ZFYVE26: variants seen among roughly 807,000 people sequenced by gnomAD.
ZFYVE26 encodes zinc finger FYVE-type containing 26.
A neutral mutation model predicts 276.5 loss-of-function variants in ZFYVE26; 181 were observed. The observed-to-expected ratio is 0.65, with a 90% CI of 0.58 to 0.74. The LOEUF (loss-of-function observed/expected upper bound fraction) is 0.74, where lower values mean the gene tolerates loss of function less well. ZFYVE26 is among the 30% of genes least tolerant of loss of function. The probability of loss-of-function intolerance (pLI) is 0.00; values close to 1 mark genes in which losing one functional copy is unlikely to be tolerated. For missense variants in ZFYVE26, 2,821 were observed against 3,097.9 expected, an observed-to-expected ratio of 0.91 and a Z score of 2.12; for synonymous variants, 1,129 against 1,203.1, an observed-to-expected ratio of 0.94 and a Z score of 1.27.
chr14:67,732,156 G>C (rs945154350), intron 13 of ZFYVE26, among the ~76,000 whole-genome samples: 1 of 150,340 alleles, frequency 6.7e-6, no homozygotes, highest in African/African-American at 2.4e-5. Context: ...AAAATTTAAG[G>C]CTGGGTGTGG....
intron 34 of ZFYVE26, chr14:67,761,867 A>G (rs2038939256): frequency 3.6e-6 from 2 of 561,378 alleles, no homozygotes; most frequent in African/African-American, 3.8e-5. Context: ...ACATATTATG[A>G]TATGGGACAA....
intron 28 of ZFYVE26, among the ~76,000 whole-genome samples, chr14:67,771,653 C>T (rs1022858771): frequency 1.3e-5 from 2 of 152,158 alleles, no homozygotes; most frequent in African/African-American, 4.8e-5. Flanking sequence ...GTCACACTGT[C>T]ATTAAGAGGC....
intron 38 of ZFYVE26, 103 bp downstream of exon 38, chr14:67,753,968 G>A: frequency 6.3e-7 from 1 of 1,582,832 alleles, no homozygotes. Flanking sequence ...TGGGGAGGCA[G>A]CCATCAAACA....
At chr14:67,788,842 G>A (rs1190851885) in intron 16 of ZFYVE26, among the ~76,000 whole-genome samples, 6 of 152,186 alleles carry the variant, frequency 3.9e-5, no homozygotes. Flanking sequence ...CAGGTGTGGG[G>A]AGTAGAACGT....
rs764618492 is a variant in ZFYVE26 at position 67,781,412 on chromosome 14, C to T, written c.4490G>A (p.Cys1497Tyr). The T allele has an allele frequency of 6.2e-7, 1 of 1,614,198 alleles. No homozygotes were observed. The highest frequency in any genetic ancestry group is 8.5e-7 in the Non-Finnish European group (1 of 1,180,030). ...TTCTTGGACAGCCGTGTCTGAAATG[C>T]AGTAGGCCAGAATCTCCAGGCATGA... Reference protein sequence around the residue: ...LESCLEILAYCISDTAVQEGL... With the variant: ...LESCLEILAYYISDTAVQEGL... The change falls in exon 22 of 42, where the codon TGC (cysteine) becomes TAC (tyrosine). Residue 1497 changes from cysteine (C) to tyrosine (Y), a missense_variant. Coordinates refer to ENST00000347230, the MANE Select transcript of ZFYVE26 (RefSeq NM_015346.4).
rs555611658 is a variant in ZFYVE26 at position 67,815,660 on chromosome 14, C to G, written c.194+110G>C. ...AGAGCACGTGAAATACACTGTGCCT[C>G]TGCTTATTCTTCAGAGGGTAGTTGA... On this transcript the variant is annotated intron_variant, in intron 2 of 41. Transcript: ENST00000347230. 3.1e-5 allele frequency: 33 copies of G among 1,059,926 alleles called. No individual in the cohort carries two copies. In the African/African-American group the frequency reaches 5.1e-4, roughly 16 times the overall value. The allele number at this position is 1,059,926 out of a possible 1,614,324, so 65.7% of individuals were successfully genotyped here. A position where few individuals can be genotyped will look rare whatever the true frequency, so the allele number is the denominator to read the frequency against.
intron 35 of ZFYVE26, chr14:67,756,548 G>T: frequency 4.8e-6 from 1 of 208,692 alleles, no homozygotes; most frequent in Non-Finnish European, 9.8e-6. Context: ...TGACAGAGAT[G>T]GCTTCTTCCT....
rs2039903408 is a variant in ZFYVE26, at chr14:67,794,475, A to G, written c.2333-236T>C. Among the ~76,000 whole-genome samples the G allele has an allele frequency of 3.3e-5, 5 of 152,332 alleles. No homozygotes were observed. The South Asian group carries it at 6.2e-4, about 19-fold the overall frequency. On this transcript the variant is annotated intron_variant, in intron 12 of 41. Transcript: ENST00000347230. The stretch of plus-strand genomic sequence containing the variant: ...TAATAGCCTATACCAGTGGTTCCCA[A>G]CCTGTGGGTCTCAGAGCCCCAAGAA...
Position 67,807,603 on chromosome 14 carries a change from G to C in ZFYVE26, c.681C>G (p.Cys227Trp), listed in dbSNP as rs372110379. ...AIYGALRTLRCPAEPLGVELH... is the reference protein window; with the variant it reads ...AIYGALRTLRWPAEPLGVELH... ...ACTCAACCCCAAGTGGTTCTGCGGG[G>C]CAACGCAGAGTCCGCAGGGCTCCAT... The change falls in exon 5 of 42, where the codon TGC becomes TGG. Residue 227 changes from cysteine to tryptophan, a missense_variant. By Grantham distance (215) the Cys-to-Trp change is radical. Transcript: ENST00000347230. 4.3e-6 allele frequency: 7 copies of C among 1,614,096 alleles called. No homozygotes were observed. In the African/African-American group the frequency reaches 6.7e-5, roughly 15 times the overall value.
At chr14:67,781,238 TTC>T (rs1416760170) in intron 22 of ZFYVE26, 93 bp downstream of exon 22, 1 of 1,459,580 alleles carries the variant, frequency 6.9e-7, no homozygotes, top group East Asian at 2.3e-5. Context: ...GACCTATATT[TTC>T]TCTTTCTTAA....
At position 67,781,517 on chromosome 14, in the gene ZFYVE26, C is replaced by A; in HGVS notation, c.4385G>T (p.Trp1462Leu). 1 of 1,614,112 alleles carries A rather than the reference C, an allele frequency of 6.2e-7. No homozygotes were observed. Among genetic ancestry groups the A allele is most frequent in the Non-Finnish European group, 8.5e-7 (1 of 1,180,038 alleles). Residue 1462 changes from tryptophan to leucine, a missense_variant, in exon 22 of 42, where the codon TGG becomes TTG. By Grantham distance (61) the Trp-to-Leu change is moderately conservative. Transcript: ENST00000347230. ...ATCCTTCACGGGAAACAGGTATTGC[C>A]AACCTTCTTTGTCTATAAGACAAAA... ...SCAVACDKEGWQYLFPVKDAS... is the reference protein window; with the variant it reads ...SCAVACDKEGLQYLFPVKDAS...
chr14:67,798,506 A>C lies in ZFYVE26; in HGVS notation c.1756T>G (p.Ser586Ala). 1 of 1,614,120 alleles carries C rather than the reference A, an allele frequency of 6.2e-7. No homozygotes were observed. Among genetic ancestry groups the C allele is most frequent in the Non-Finnish European group, 8.5e-7 (1 of 1,180,012 alleles). ...ENIFSLLLIT[S>A]ADLHPEPHLP... ...TGAGGCTCTGGGTGAAGATCAGCAG[A>C]GGTGATGAGAAGCAATGAGAAGATG... is the stretch of plus-strand genomic sequence containing the variant. The change falls in exon 11 of 42, where the codon TCT (serine) becomes GCT (alanine). Residue 586 changes from serine to alanine, a missense_variant. Physicochemically the swap from Ser to Ala is moderately conservative, Grantham distance 99. Coordinates refer to ENST00000347230, the MANE Select transcript of ZFYVE26 (RefSeq NM_015346.4).
chr14:67,762,529 T>C, intron 33 of ZFYVE26, 117 bp from the exon 34 acceptor site: 1 of 1,532,576 alleles, frequency 6.5e-7, no homozygotes, highest in Non-Finnish European at 8.9e-7. Context: ...TGCCATTACT[T>C]CTCTGCTGGC....
intron 21 of ZFYVE26, 148 bp downstream of exon 21, chr14:67,782,632 C>G (rs886134814): frequency 5.0e-5 from 68 of 1,357,884 alleles, no homozygotes; most frequent in Non-Finnish European, 4.4e-5. Context: ...AGTTTCCTAA[C>G]CCCTCTGAGA....
chr14:67,780,223 C>T lies in ZFYVE26; in HGVS notation c.4674+18G>A. 1 of 1,609,614 alleles carries T rather than the reference C, an allele frequency of 6.2e-7. No homozygotes were observed. Among genetic ancestry groups the T allele is most frequent in the Non-Finnish European group, 8.5e-7 (1 of 1,176,862 alleles). ...CTGAAAGGAGGATGAAGGGGAACACCACCCAGGAAAACGGTACCTGTGCTT... is the reference window on the plus strand; with the variant it reads ...CTGAAAGGAGGATGAAGGGGAACACTACCCAGGAAAACGGTACCTGTGCTT... On this transcript the variant is annotated intron_variant, in intron 23 of 41. Coordinates refer to ENST00000347230, the MANE Select transcript of ZFYVE26 (RefSeq NM_015346.4).
downstream of ZFYVE26, among the ~76,000 whole-genome samples, chr14:67,743,772 T>C (rs1334094522): frequency 2.6e-5 from 4 of 152,166 alleles, no homozygotes; most frequent in Non-Finnish European, 5.9e-5. Flanking sequence ...AGTATGAGTG[T>C]CAAGAGGGAA....
Position 67,785,108 on chromosome 14 carries a change from G to A in ZFYVE26, c.3474C>T (p.Tyr1158=), listed in dbSNP as rs1274441682. The change falls in exon 19 of 42, where the codon TAC becomes TAT. Residue 1158 remains tyrosine (Y), a synonymous_variant. Transcript: ENST00000347230. Reference sequence around the variant, plus strand: ...GGAGAACTGCAGCAAGGGTGCTGCAGTAACTGAAGAAGGTGCCCAAGTAGT... The same window carrying A: ...GGAGAACTGCAGCAAGGGTGCTGCAATAACTGAAGAAGGTGCCCAAGTAGT... ...QMDYLGTFFS[Y]CSTLAAVLLQ... is the part of the protein sequence containing the mutation. 3 of 1,614,104 alleles carry A rather than the reference G, an allele frequency of 1.9e-6. No individual in the cohort carries two copies. The highest frequency in any genetic ancestry group is 1.7e-6 in the Non-Finnish European group (2 of 1,180,034).
At chr14:67,796,055 T>C (rs2039945221) in intron 12 of ZFYVE26, among the ~76,000 whole-genome samples, 1 of 152,146 alleles carries the variant, frequency 6.6e-6, no homozygotes, top group Non-Finnish European at 1.5e-5. Context: ...ACATACAGCT[T>C]GCAGAACTAT....
chr14:67,804,626 T>G (rs1439201946), intron 8 of ZFYVE26, among the ~76,000 whole-genome samples: 1 of 152,214 alleles, frequency 6.6e-6, no homozygotes, highest in Non-Finnish European at 1.5e-5. Flanking sequence ...CTTCCCCCTC[T>G]GCCTACTCTA....
Sources: gnomAD v4.1 joint callset for allele counts (sites outside exome capture counted in the v4.1 genomes callset) on GRCh38, gnomAD v4.1.1 for gene constraint, MANE v1.5 for transcripts, NCBI Gene and HGNC (gene_info 2026-07-23, HGNC 2026-07-21) for gene names.